PLEKHD1: variants seen among roughly 807,000 people sequenced by gnomAD.
The protein encoded by PLEKHD1 is pleckstrin homology and coiled-coil domain containing D1, also known as pleckstrin homology domain-containing family D member 1.
A neutral mutation model predicts 69.2 loss-of-function variants in PLEKHD1; 51 were observed. The ratio of observed to expected loss-of-function variants is 0.74; its 90% CI spans 0.59 to 0.93. PLEKHD1 has a LOEUF of 0.93. PLEKHD1 is among the 40% of genes least tolerant of loss of function. The pLI is 0.00. For missense variants in PLEKHD1, 584 were observed against 641.0 expected (o/e 0.91, Z 0.96); for synonymous variants, 236 against 244.7 (o/e 0.96, Z 0.33).
At chr14:69,509,611 G>C (rs1454043308) in intron 6 of PLEKHD1, among the ~76,000 whole-genome samples, 1 of 150,772 alleles carries the variant, frequency 6.6e-6, no homozygotes, top group African/African-American at 2.4e-5. Context: ...TTTTGCATGT[G>C]GCTGTCCAGT....
At chr14:69,472,419 C>T in the PLEKHD1 span, among the ~76,000 whole-genome samples, 5 of 152,192 alleles carry the variant, frequency 3.3e-5, no homozygotes, top group African/African-American at 9.6e-5. Flanking sequence ...ACCGGGACCG[C>T]GTGAGTTAAA....
chr14:69,481,072 T>G (rs535611261), upstream of PLEKHD1, among the ~76,000 whole-genome samples: 28 of 152,350 alleles, frequency 1.8e-4, no homozygotes, highest in African/African-American at 6.5e-4. Context: ...GACTATCACA[T>G]CTGCCTGCAG....
intron 1 of PLEKHD1, among the ~76,000 whole-genome samples, chr14:69,485,891 C>T (rs1342582639): frequency 1.3e-5 from 2 of 152,184 alleles, no homozygotes; most frequent in African/African-American, 2.4e-5. Context: ...AACTCAGACG[C>T]GACTCCGCGG....
At chr14:69,497,994 C>T (rs1594977426) in intron 1 of PLEKHD1, among the ~76,000 whole-genome samples, 1 of 151,984 alleles carries the variant, frequency 6.6e-6, no homozygotes. Flanking sequence ...CGAGGCCAGC[C>T]TGGGCAACAT....
At chr14:69,479,690 G>C in the PLEKHD1 span, among the ~76,000 whole-genome samples, 1 of 152,136 alleles carries the variant, frequency 6.6e-6, no homozygotes, top group South Asian at 2.1e-4. Flanking sequence ...AGCAAGTTGA[G>C]AGTGGAAGGA....
At chr14:69,476,766 C>T in the PLEKHD1 span, among the ~76,000 whole-genome samples, 12 of 152,194 alleles carry the variant, frequency 7.9e-5, no homozygotes, top group East Asian at 1.9e-4. Context: ...TGTGAGTGAG[C>T]GCGGACAGGG....
chr14:69,515,259 C>T (rs1373118816), intron 6 of PLEKHD1, among the ~76,000 whole-genome samples: 2 of 152,168 alleles, frequency 1.3e-5, no homozygotes, highest in Non-Finnish European at 2.9e-5. Context: ...CAAATGGCTG[C>T]TTTCCCCTTA....
chr14:69,502,528 G>A (rs1299532963), intron 5 of PLEKHD1: 5 of 419,932 alleles, frequency 1.2e-5, no homozygotes, highest in Admixed American at 3.7e-5. Flanking sequence ...GCAGGTGGAA[G>A]GTGGGTGTGG....
chr14:69,529,593 C>A lies in PLEKHD1; in HGVS notation c.*1174C>A, dbSNP rs1004484017. 1.3e-5 allele frequency: 2 copies of A among 152,168 alleles called. No individual in the cohort carries two copies. Among genetic ancestry groups the A allele is most frequent in the African/African-American group, 4.8e-5 (2 of 41,376 alleles). The allele number at this position is 152,168 out of a possible 1,614,324, so 9.4% of individuals were successfully genotyped here. A position where few individuals can be genotyped will look rare whatever the true frequency, so the allele number is the denominator to read the frequency against. On this transcript the variant is annotated 3_prime_UTR_variant, in exon 13 of 13. Transcript: ENST00000322564. The stretch of plus-strand genomic sequence containing the variant: ...CAAGCTCAGGAGTGAAGGAAAGTCA[C>A]TCTGGTTCCTGCATTATGTACTTCT...
intron 1 of PLEKHD1, among the ~76,000 whole-genome samples, chr14:69,488,723 C>G (rs1445893882): frequency 6.6e-6 from 1 of 152,044 alleles, no homozygotes; most frequent in African/African-American, 2.4e-5. Context: ...ACTTGGGGAA[C>G]AGTGTCTCTG....
At chr14:69,481,228 T>C (rs1324272810), upstream of PLEKHD1, among the ~76,000 whole-genome samples, 1 of 152,128 alleles carries the variant, frequency 6.6e-6, no homozygotes, top group East Asian at 1.9e-4. Context: ...GAGGCTGAGA[T>C]GGGAGGATCA....
intron 6 of PLEKHD1, 140 bp from the exon 7 acceptor site, chr14:69,522,143 G>A (rs1883529379): frequency 1.3e-6 from 1 of 742,226 alleles, no homozygotes; most frequent in Non-Finnish European, 2.2e-6. Context: ...GCGGGCCTTA[G>A]AACTTAATTC....
At chr14:69,505,191 T>TACCC (rs1566559965) in intron 6 of PLEKHD1, among the ~76,000 whole-genome samples, 2 of 152,150 alleles carry the variant, frequency 1.3e-5, no homozygotes, top group Non-Finnish European at 2.9e-5. Flanking sequence ...GCCCAGCTGG[T>TACCC]ACCCACCATG....
intron 6 of PLEKHD1, among the ~76,000 whole-genome samples, chr14:69,507,319 GT>G (rs1211264382): frequency 1.3e-5 from 2 of 152,134 alleles, no homozygotes; most frequent in African/African-American, 4.8e-5. Context: ...TTTCCTCCGT[GT>G]CTTTTTGTGG....
chr14:69,469,031 A>G, the PLEKHD1 span, among the ~76,000 whole-genome samples: 1 of 152,264 alleles, frequency 6.6e-6, no homozygotes, highest in Non-Finnish European at 1.5e-5. Context: ...TGGCCATTTC[A>G]TCATTTTCCG....
In PLEKHD1 at chr14:69,526,054, T is replaced by C. The variant is rs553380126; in HGVS notation, c.855T>C (p.His285=). The part of the protein sequence containing the change: ...SEQPPPSGGL[H]SNLRQIEEKM... ...AGCCCCCTCCCAGTGGGGGCCTCCA[T>C]AGCAACCTCCGGCAGATCGAGGAGA... The change falls in exon 9 of 13, where the codon CAT becomes CAC. Residue 285 remains histidine (H), a synonymous_variant. Coordinates refer to ENST00000322564, the MANE Select transcript of PLEKHD1 (RefSeq NM_001161498.2). 3 of 1,551,482 alleles carry C rather than the reference T, an allele frequency of 1.9e-6. No individual in the cohort carries two copies. Among genetic ancestry groups the C allele is most frequent in the Admixed American group, 3.9e-5 (2 of 50,984 alleles).
intron 6 of PLEKHD1, among the ~76,000 whole-genome samples, chr14:69,507,050 G>A (rs1284090766): frequency 6.6e-6 from 1 of 151,676 alleles, no homozygotes; most frequent in African/African-American, 2.4e-5. Context: ...ATACAGGCGC[G>A]TGCCACCATT....
chr14:69,526,959 G>A, intron 10 of PLEKHD1, 130 bp downstream of exon 10: 1 of 1,348,376 alleles, frequency 7.4e-7, no homozygotes, highest in Non-Finnish European at 9.8e-7. Context: ...CATGGGGGAT[G>A]GAGCCACCAC....
intron 6 of PLEKHD1, among the ~76,000 whole-genome samples, chr14:69,513,163 G>A (rs1883307542): frequency 1.3e-5 from 2 of 151,830 alleles, no homozygotes; most frequent in African/African-American, 2.4e-5. Context: ...AAGTTGCAGT[G>A]AGACAAGATG....
Sources: gnomAD v4.1 joint callset for allele counts (sites outside exome capture counted in the v4.1 genomes callset) on GRCh38, gnomAD v4.1.1 for gene constraint, MANE v1.5 for transcripts, NCBI Gene and HGNC (gene_info 2026-07-23, HGNC 2026-07-21) for gene names.